The following COPG2 variants were observed in gnomAD, a reference collection of about 807,000 sequenced individuals.
The protein encoded by COPG2 is coat protein complex I subunit gamma 2, also known as coatomer subunit gamma-2.
COPG2 carries 37 observed loss-of-function variants against 46.3 expected under a neutral mutation model. The observed-to-expected ratio is 0.80, with a 90% CI of 0.61 to 1.05. COPG2 has a LOEUF of 1.05. COPG2 is among the 50% of genes least tolerant of loss of function. The pLI is 0.00. For synonymous variants in COPG2, 159 were observed against 129.7 expected, an observed-to-expected ratio of 1.23 and a Z score of -1.53; for missense variants, 427 against 387.8, an observed-to-expected ratio of 1.10 and a Z score of -0.85.
chr7:130,603,804 A>T, intron 9 of COPG2: 5 of 518,920 alleles, frequency 9.6e-6, no homozygotes, highest in South Asian at 7.0e-5. Context: ...ATCCTCGAAC[A>T]ACATGGGGTT....
At chr7:130,648,994 T>G (rs945838120) in intron 5 of COPG2, among the ~76,000 whole-genome samples, 10 of 152,168 alleles carry the variant, frequency 6.6e-5, no homozygotes, top group Non-Finnish European at 1.3e-4. Context: ...TAGCTCTGAG[T>G]TGCTGCTGAC....
In COPG2 at chr7:130,557,817, C is replaced by CAAA. The variant is rs1382087826; in HGVS notation, c.1129-2688_1129-2686dup. 2.5e-4 allele frequency among the ~76,000 whole-genome samples: 3 copies of CAAA among 12,238 alleles called. 1 individual carries two copies. Among genetic ancestry groups the CAAA allele is most frequent in the Non-Finnish European group, 3.7e-4 (3 of 8,014 alleles). 8.0% of individuals were successfully genotyped at this position (12,238 alleles called of 152,430 possible). On this transcript the variant is annotated intron_variant, in intron 12 of 23. Transcript: ENST00000425248. ...GGGCAGCAAGAATGAAACTCCATCT[C>CAAA]AAAAAAAAAAAAAAAAAAAAATCAT...
At chr7:130,642,275 C>A in intron 5 of COPG2, among the ~76,000 whole-genome samples, 1 of 150,642 alleles carries the variant, frequency 6.6e-6, no homozygotes. Context: ...GTAATTTATA[C>A]AATAAAATGG....
At chr7:130,646,297 T>C (rs1035089573) in intron 5 of COPG2, among the ~76,000 whole-genome samples, 1 of 152,252 alleles carries the variant, frequency 6.6e-6, no homozygotes, top group African/African-American at 2.4e-5. Flanking sequence ...AAGGGCTTCA[T>C]GGTTAACATT....
Position 130,554,611 on chromosome 7 carries a change from A to G in COPG2, c.1338T>C (p.Cys446=), listed in dbSNP as rs1793589045. 3 of 398,550 alleles carry G rather than the reference A, an allele frequency of 7.5e-6. No individual in the cohort carries two copies. In the East Asian group the frequency reaches 1.1e-4, roughly 14 times the overall value. The allele number at this position is 398,550 out of a possible 1,614,324, so 24.7% of individuals were successfully genotyped here. Residue 446 remains cysteine (C), a synonymous_variant, in exon 14 of 24, where the codon TGT becomes TGC. Transcript: ENST00000425248. The stretch of plus-strand genomic sequence containing the variant: ...TCTTAGTAGCCAGAACAGTGTGTTC[A>G]CAGTCCTCAATGAATTCACAAAGGT... ...LAHLCEFIED[C]EHTVLATKIL... is the part of the protein sequence containing the mutation.
intron 9 of COPG2, among the ~76,000 whole-genome samples, chr7:130,576,837 T>C (rs1381951982): frequency 6.6e-6 from 1 of 152,070 alleles, no homozygotes; most frequent in African/African-American, 2.4e-5. Context: ...AAGCTGGTTC[T>C]TCAAAAAGAT....
chr7:130,603,680 C>A, intron 9 of COPG2: 1 of 347,622 alleles, frequency 2.9e-6, no homozygotes, highest in Non-Finnish European at 5.4e-6. Flanking sequence ...AAGATGGCAC[C>A]ATTACACTCT....
chr7:130,583,783 G>A lies in COPG2; in HGVS notation c.738-19390C>T, dbSNP rs553523643. Among the ~76,000 whole-genome samples, 230 of 117,872 alleles carry A rather than the reference G, an allele frequency of 2.0e-3. 1 individual carries two copies. Among genetic ancestry groups the A allele is most frequent in the Middle Eastern group, 0.017 (2 of 116 alleles). 77.3% of individuals were successfully genotyped at this position (117,872 alleles called of 152,430 possible). On this transcript the variant is annotated intron_variant, in intron 9 of 23. Coordinates refer to ENST00000425248, the MANE Select transcript of COPG2 (RefSeq NM_012133.6). The stretch of plus-strand genomic sequence containing the variant: ...GATCGCGCCACTGCACTCCAGACTG[G>A]CAACAGAGCGAGACTCCATCTCAAA...
Position 130,600,284 on chromosome 7 carries a change from A to T in COPG2, c.737+10669T>A, listed in dbSNP as rs149460169. ...TTTTTATTTATTTATTTATTTTTTG[A>T]GACAGAGACGCTGTCACCCAGGCTG... On this transcript the variant is annotated intron_variant, in intron 9 of 23. Transcript: ENST00000425248. 1.2e-3 allele frequency among the ~76,000 whole-genome samples: 175 copies of T among 152,152 alleles called. 2 individuals carry two copies. The East Asian group carries it at 0.028, about 24-fold the overall frequency.
At chr7:130,590,490 G>GCGA (rs1666018380) in intron 9 of COPG2, among the ~76,000 whole-genome samples, 2 of 152,146 alleles carry the variant, frequency 1.3e-5, no homozygotes, top group Non-Finnish European at 2.9e-5. Flanking sequence ...GCTCCTAACC[G>GCGA]CGAGTGATCC....
chr7:130,625,494 CTA>C (rs1795103390), intron 5 of COPG2, among the ~76,000 whole-genome samples: 1 of 151,406 alleles, frequency 6.6e-6, no homozygotes, highest in South Asian at 2.1e-4. Context: ...GGAAATGCCT[CTA>C]GTGTTTCCCC....
chr7:130,527,527 G>A (rs1360631812), intron 20 of COPG2, among the ~76,000 whole-genome samples: 1 of 151,878 alleles, frequency 6.6e-6, no homozygotes, highest in Non-Finnish European at 1.5e-5. Flanking sequence ...CCAATCATCT[G>A]AAGGGTGAGC....
chr7:130,508,728 G>A (rs1040462054), intron 20 of COPG2, 69 bp from the exon 21 acceptor site: 1 of 700,066 alleles, frequency 1.4e-6, no homozygotes, highest in Non-Finnish European at 2.6e-6. Flanking sequence ...CATTCCATCT[G>A]TACTCAGCAC....
intron 20 of COPG2, among the ~76,000 whole-genome samples, chr7:130,545,931 A>G (rs1382127269): frequency 9.2e-5 from 14 of 152,226 alleles, no homozygotes; most frequent in Non-Finnish European, 1.8e-4. Flanking sequence ...GTATTTTGGT[A>G]TTATAAAATT....
At chr7:130,661,931 T>C (rs1215067864) in intron 4 of COPG2, among the ~76,000 whole-genome samples, 2 of 152,152 alleles carry the variant, frequency 1.3e-5, no homozygotes, top group Non-Finnish European at 2.9e-5. Context: ...ACAAAGTATA[T>C]CCTGCAGGTG....
intron 20 of COPG2, among the ~76,000 whole-genome samples, chr7:130,511,145 G>A (rs1183667427): frequency 1.3e-5 from 2 of 152,168 alleles, no homozygotes; most frequent in African/African-American, 4.8e-5. Context: ...AATGCAGTGT[G>A]GCAAAGGGCA....
chr7:130,563,439 A>G lies in COPG2; in HGVS notation c.872-103T>C, dbSNP rs1053199238. 5.7e-4 allele frequency: 218 copies of G among 382,452 alleles called. 1 individual carries two copies. Among genetic ancestry groups the G allele is most frequent in the African/African-American group, 3.9e-3 (188 of 48,220 alleles). The allele number at this position is 382,452 out of a possible 1,614,324, so 23.7% of individuals were successfully genotyped here. A position where few individuals can be genotyped will look rare whatever the true frequency, so the allele number is the denominator to read the frequency against. On this transcript the variant is annotated intron_variant, in intron 10 of 23. Transcript: ENST00000425248. ...AGAACTATAGAAAAGTTGAAGAAGTAAAATACAGATATAGATACAGTGACT... is the reference window on the plus strand; with the variant it reads ...AGAACTATAGAAAAGTTGAAGAAGTGAAATACAGATATAGATACAGTGACT...
rs1554459415 is a variant in COPG2, at chr7:130,653,301, T to G, written c.244-353A>C. Among the ~76,000 whole-genome samples, 5 of 152,346 alleles carry G rather than the reference T, an allele frequency of 3.3e-5. No individual in the cohort carries two copies. In the South Asian group the frequency reaches 1.0e-3, roughly 32 times the overall value. On this transcript the variant is annotated intron_variant, in intron 4 of 23. Coordinates refer to ENST00000425248, the MANE Select transcript of COPG2 (RefSeq NM_012133.6). The stretch of plus-strand genomic sequence containing the variant: ...CAGAGTTACGCTCTGTTGCCTAGGC[T>G]GGAGTGCAATGGCGCAATCGTGGCT...
chr7:130,524,227 T>A (rs1799753395), intron 20 of COPG2, among the ~76,000 whole-genome samples: 2 of 151,966 alleles, frequency 1.3e-5, no homozygotes. Context: ...GTGCAGTACG[T>A]GTGATGCAGA....
Sources: gnomAD v4.1 joint callset for allele counts (sites outside exome capture counted in the v4.1 genomes callset) on GRCh38, gnomAD v4.1.1 for gene constraint, MANE v1.5 for transcripts, NCBI Gene and HGNC (gene_info 2026-07-23, HGNC 2026-07-21) for gene names.